Variants in CENPQ observed in about 807,000 individuals in gnomAD.
The protein encoded by CENPQ is chromosome 6 open reading frame 139.
CENPQ carries 27 observed loss-of-function variants against 36.6 expected under a neutral mutation model. The observed-to-expected ratio is 0.74, with a 90% CI of 0.54 to 1.02. The LOEUF is 1.02. Among genes scored for constraint, CENPQ ranks in the 50% least tolerant of loss-of-function variants. The probability of loss-of-function intolerance (pLI) is 0.00; values close to 1 mark genes in which losing one functional copy is unlikely to be tolerated. For synonymous variants in CENPQ, 101 were observed against 101.7 expected, an observed-to-expected ratio of 0.99 and a Z score of 0.04; for missense variants, 306 against 301.8, an observed-to-expected ratio of 1.01 and a Z score of -0.10.
intron 1 of CENPQ, among the ~76,000 whole-genome samples, chr6:49,464,436 G>A (rs1208498738): frequency 6.6e-6 from 1 of 152,166 alleles, no homozygotes; most frequent in Non-Finnish European, 1.5e-5. Context: ...GAGTTGCTGT[G>A]GCAGTTTCTT....
intron 8 of CENPQ, 144 bp downstream of exon 8, chr6:49,488,828 T>C: frequency 1.5e-6 from 1 of 679,342 alleles, no homozygotes; most frequent in Non-Finnish European, 2.6e-6. Context: ...GAAGTTATGT[T>C]TACGCTATAC....
rs566243860 is a variant in CENPQ at position 49,468,130 on chromosome 6, C to T, written c.-18-2029C>T. On this transcript the variant is annotated intron_variant, in intron 1 of 8. Coordinates refer to ENST00000335783, the MANE Select transcript of CENPQ (RefSeq NM_018132.4). ...TGGGATTGGGAGGGACTAGGCAGGG[C>T]TTGCTCATGTCTTGTCCACACAGTG... 7.0e-4 allele frequency among the ~76,000 whole-genome samples: 106 copies of T among 152,170 alleles called. No individual in the cohort carries two copies. In the South Asian group the frequency reaches 0.022, roughly 31 times the overall value.
At chr6:49,468,320 C>A (rs1768049885) in intron 1 of CENPQ, among the ~76,000 whole-genome samples, 1 of 151,840 alleles carries the variant, frequency 6.6e-6, no homozygotes, top group Non-Finnish European at 1.5e-5. Context: ...TGGCCGGGCT[C>A]AGTGGCTCAC....
intron 3 of CENPQ, 76 bp from the exon 4 acceptor site, chr6:49,471,987 T>TGAAAACATTCCATTTTTAAGC (rs1283514799): frequency 2.1e-6 from 3 of 1,455,854 alleles, no homozygotes; most frequent in African/African-American, 2.9e-5. Context: ...CTTTTTTAGA[T>TGAAAACATTCCATTTTTAAGC]GAAAACATTC....
At chr6:49,486,872 C>T (rs1480894619) in intron 6 of CENPQ, among the ~76,000 whole-genome samples, 1 of 151,698 alleles carries the variant, frequency 6.6e-6, no homozygotes, top group Non-Finnish European at 1.5e-5. Context: ...ATGGGCCAGG[C>T]GTGGTGGCTC....
chr6:49,484,776 A>C (rs1343285847), intron 6 of CENPQ, among the ~76,000 whole-genome samples: 3 of 152,130 alleles, frequency 2.0e-5, no homozygotes, highest in Non-Finnish European at 4.4e-5. Flanking sequence ...GTGGTATTAT[A>C]TTTTATTTCC....
chr6:49,480,076 A>G (rs1768392198), intron 5 of CENPQ, among the ~76,000 whole-genome samples: 2 of 152,184 alleles, frequency 1.3e-5, no homozygotes, highest in Admixed American at 1.3e-4. Flanking sequence ...CATAACCTGC[A>G]TATGTATTCC....
At chr6:49,490,481 C>T (rs1186953141) in intron 8 of CENPQ, among the ~76,000 whole-genome samples, 1 of 152,184 alleles carries the variant, frequency 6.6e-6, no homozygotes, top group Non-Finnish European at 1.5e-5. Flanking sequence ...ACTCAGACTT[C>T]CCATATCAAC....
At position 49,488,095 on chromosome 6, in the gene CENPQ, G is replaced by A. The variant is rs1051690801; in HGVS notation, c.478-257G>A. On this transcript the variant is annotated intron_variant, in intron 6 of 8. Coordinates refer to ENST00000335783, the MANE Select transcript of CENPQ (RefSeq NM_018132.4). ...TCTCTGACCCTACCAGCATTGGTAC[G>A]TTTTGAGGAAGTGTTCATGTACATC... is the stretch of plus-strand genomic sequence containing the variant. Among the ~76,000 whole-genome samples, 11 of 152,138 alleles carry A rather than the reference G, an allele frequency of 7.2e-5. No homozygotes were observed. The South Asian group carries it at 8.3e-4, about 11-fold the overall frequency.
intron 6 of CENPQ, among the ~76,000 whole-genome samples, chr6:49,485,158 G>C (rs1348929363): frequency 6.6e-6 from 1 of 152,196 alleles, no homozygotes; most frequent in South Asian, 2.1e-4. Flanking sequence ...AACTCTATCT[G>C]TATTCATTAG....
chr6:49,469,571 G>C (rs925712225), intron 1 of CENPQ, among the ~76,000 whole-genome samples: 9 of 152,094 alleles, frequency 5.9e-5, no homozygotes, highest in African/African-American at 2.2e-4. Flanking sequence ...AGGGTATTCA[G>C]TACATTTCTG....
chr6:49,474,985 T>A (rs1378124736), intron 5 of CENPQ, among the ~76,000 whole-genome samples: 1 of 151,986 alleles, frequency 6.6e-6, no homozygotes, highest in Non-Finnish European at 1.5e-5. Flanking sequence ...AATAGACCAA[T>A]AACAGGCTCT....
chr6:49,472,430 T>A (rs1415783716), intron 4 of CENPQ, among the ~76,000 whole-genome samples: 1 of 152,188 alleles, frequency 6.6e-6, no homozygotes, highest in Non-Finnish European at 1.5e-5. Context: ...AATAAAATTT[T>A]AATTTTTGTC....
intron 7 of CENPQ, 47 bp downstream of exon 7, chr6:49,488,518 T>C (rs781683360): frequency 6.3e-7 from 1 of 1,592,922 alleles, no homozygotes; most frequent in Non-Finnish European, 8.6e-7. Flanking sequence ...TAATTTTTAA[T>C]GGTTAAATTA....
chr6:49,482,555 CAGT>C (rs1768463000), intron 6 of CENPQ, among the ~76,000 whole-genome samples: 1 of 152,136 alleles, frequency 6.6e-6, no homozygotes, highest in Non-Finnish European at 1.5e-5. Context: ...CAGGGGTCCT[CAGT>C]AGAAGTTGTT....
rs915097175 is a variant in CENPQ at position 49,492,524 on chromosome 6, A to C, written c.*249A>C. 6.3e-6 allele frequency: 2 copies of C among 316,282 alleles called. No homozygotes were observed. The highest frequency in any genetic ancestry group is 1.0e-4 in the Admixed American group (2 of 19,300). 19.6% of individuals were successfully genotyped at this position (316,282 alleles called of 1,614,324 possible). On this transcript the variant is annotated 3_prime_UTR_variant, in exon 9 of 9. Transcript: ENST00000335783. The stretch of plus-strand genomic sequence containing the variant: ...CTGTATCTATAAGTATTTGCCTAAA[A>C]CCATAAAATAGGAATTGCCTTAAGG...
intron 6 of CENPQ, among the ~76,000 whole-genome samples, chr6:49,483,158 C>T (rs1561969089): frequency 6.6e-6 from 1 of 152,130 alleles, no homozygotes; most frequent in Non-Finnish European, 1.5e-5. Flanking sequence ...CACAAAGGTT[C>T]TCCACGTCCC....
intron 6 of CENPQ, among the ~76,000 whole-genome samples, chr6:49,482,174 G>A (rs568456028): frequency 1.2e-4 from 19 of 152,244 alleles, no homozygotes; most frequent in African/African-American, 2.6e-4. Flanking sequence ...CAAGCACCGC[G>A]CGCAGCCCCG....
intron 5 of CENPQ, among the ~76,000 whole-genome samples, chr6:49,473,593 T>C (rs916527947): frequency 6.6e-6 from 1 of 152,162 alleles, no homozygotes; most frequent in African/African-American, 2.4e-5. Context: ...CCATCGATGC[T>C]AGGAAGAAAC....
Sources: allele counts gnomAD v4.1 joint callset (sites outside exome capture counted in the v4.1 genomes callset), GRCh38; gene constraint gnomAD v4.1.1; transcripts MANE v1.5; gene names NCBI Gene and HGNC (gene_info 2026-07-23, HGNC 2026-07-21).